Variants in WWOX observed in about 807,000 individuals in gnomAD.
The protein encoded by WWOX is WW domain-containing oxidoreductase.
A neutral mutation model predicts 46.2 loss-of-function variants in WWOX; 69 were observed. The ratio of observed to expected loss-of-function variants is 1.49; its 90% CI spans 1.23 to 1.82. The LOEUF (loss-of-function observed/expected upper bound fraction) is 1.82, where lower values mean the gene tolerates loss of function less well. Among genes scored for constraint, WWOX ranks in the 40% most tolerant of loss-of-function variants. WWOX has a pLI of 0.00. For synonymous variants in WWOX, 359 were observed against 202.6 expected (o/e 1.77, Z -6.56); for missense variants, 919 against 542.6 (o/e 1.69, Z -6.89).
intron 8 of WWOX, among the ~76,000 whole-genome samples, chr16:78,614,398 T>G (rs1252083033): frequency 1.3e-5 from 2 of 152,258 alleles, no homozygotes; most frequent in Non-Finnish European, 2.9e-5. Context: ...TTATTCTGAG[T>G]CCACATTGCT....
At chr16:78,203,941 G>C (rs1262669992) in intron 5 of WWOX, among the ~76,000 whole-genome samples, 2 of 152,180 alleles carry the variant, frequency 1.3e-5, no homozygotes, top group Non-Finnish European at 1.5e-5. Context: ...TTGCTGCCTT[G>C]AATTCTTTCC....
intron 8 of WWOX, among the ~76,000 whole-genome samples, chr16:79,097,334 A>T (rs1340193258): frequency 2.5e-4 from 37 of 149,102 alleles, no homozygotes; most frequent in Admixed American, 1.9e-3. Context: ...GCATATTTGT[A>T]TCTGGCTCCA....
chr16:78,151,757 G>A (rs924952237), intron 4 of WWOX, among the ~76,000 whole-genome samples: 3 of 152,154 alleles, frequency 2.0e-5, no homozygotes, highest in East Asian at 1.9e-4. Context: ...TGGAAGTAGC[G>A]TCGACATTAT....
At chr16:79,021,239 T>G (rs2047526583) in intron 8 of WWOX, among the ~76,000 whole-genome samples, 1 of 152,190 alleles carries the variant, frequency 6.6e-6, no homozygotes, top group Admixed American at 6.5e-5. Context: ...TGCCTTCATT[T>G]GTTTGACATT....
chr16:78,564,208 A>G (rs1567647537), intron 8 of WWOX, among the ~76,000 whole-genome samples: 1 of 152,342 alleles, frequency 6.6e-6, no homozygotes, highest in South Asian at 2.1e-4. Flanking sequence ...TATAGCCACT[A>G]ATATTTGTGA....
At chr16:79,093,088 G>A (rs571830407) in intron 8 of WWOX, among the ~76,000 whole-genome samples, 3 of 152,212 alleles carry the variant, frequency 2.0e-5, no homozygotes, top group South Asian at 4.1e-4. Context: ...TGAGCTGTTG[G>A]TTACGTAACT....
At chr16:78,691,193 G>T (rs892967232) in intron 8 of WWOX, 1 of 700,996 alleles carries the variant, frequency 1.4e-6, no homozygotes, top group Non-Finnish European at 2.6e-6. Context: ...AATAGATGTA[G>T]GTCCAGCGCC....
intron 8 of WWOX, among the ~76,000 whole-genome samples, chr16:78,515,618 G>A (rs2043218880): frequency 6.6e-6 from 1 of 152,186 alleles, no homozygotes; most frequent in Non-Finnish European, 1.5e-5. Flanking sequence ...CAGGCCGGAT[G>A]CCTAGGTGAG....
At chr16:78,208,212 G>C (rs1464663839) in intron 5 of WWOX, among the ~76,000 whole-genome samples, 4 of 152,172 alleles carry the variant, frequency 2.6e-5, no homozygotes. Flanking sequence ...CTATAATAAA[G>C]CTAGGGGATG....
At chr16:78,846,653 A>G (rs1208071661) in intron 8 of WWOX, among the ~76,000 whole-genome samples, 20 of 152,298 alleles carry the variant, frequency 1.3e-4, no homozygotes, top group Admixed American at 1.1e-3. Context: ...CCTCTCGGTT[A>G]ACGTGGTATC....
At chr16:79,101,769 C>T (rs996439519) in intron 8 of WWOX, 4 of 148,856 alleles carry the variant, frequency 2.7e-5, no homozygotes, top group South Asian at 2.1e-4. Context: ...AGGACTAATA[C>T]TTCCTGCTTT....
intron 6 of WWOX, among the ~76,000 whole-genome samples, chr16:78,418,312 C>T (rs1028293858): frequency 1.3e-5 from 2 of 151,162 alleles, no homozygotes; most frequent in Non-Finnish European, 2.9e-5. Flanking sequence ...TGCAGTGAGC[C>T]GAGATTGCAC....
At chr16:78,760,083 A>T (rs1230943288) in intron 8 of WWOX, among the ~76,000 whole-genome samples, 2 of 152,210 alleles carry the variant, frequency 1.3e-5, no homozygotes, top group Non-Finnish European at 2.9e-5. Flanking sequence ...TAATTTATCA[A>T]CAAAAAGAGA....
At chr16:78,856,226 G>C (rs1379396919) in intron 8 of WWOX, among the ~76,000 whole-genome samples, 2 of 152,150 alleles carry the variant, frequency 1.3e-5, no homozygotes, top group African/African-American at 4.8e-5. Context: ...TAAGGATTTA[G>C]GCAGGGACTG....
At chr16:78,137,601 G>A (rs2033843434) in intron 4 of WWOX, among the ~76,000 whole-genome samples, 1 of 152,122 alleles carries the variant, frequency 6.6e-6, no homozygotes, top group Non-Finnish European at 1.5e-5. Flanking sequence ...TTCTTTGTAG[G>A]TAAAAAGGAG....
chr16:78,180,430 A>G (rs960285748), intron 5 of WWOX, among the ~76,000 whole-genome samples: 3 of 151,980 alleles, frequency 2.0e-5, no homozygotes, highest in African/African-American at 7.3e-5. Context: ...ACCCAAGAGT[A>G]GGGGGTATAT....
chr16:78,760,856 C>G (rs1405103099), intron 8 of WWOX, among the ~76,000 whole-genome samples: 1 of 152,168 alleles, frequency 6.6e-6, no homozygotes, highest in East Asian at 1.9e-4. Flanking sequence ...TCACATTTCC[C>G]CATGTCTGGG....
At chr16:78,831,827 G>A (rs1194221954) in intron 8 of WWOX, among the ~76,000 whole-genome samples, 1 of 152,196 alleles carries the variant, frequency 6.6e-6, no homozygotes, top group Non-Finnish European at 1.5e-5. Context: ...GTCAAGCCAA[G>A]CTAGAGTACA....
At chr16:78,865,824 G>A (rs1351150187) in intron 8 of WWOX, among the ~76,000 whole-genome samples, 1 of 152,182 alleles carries the variant, frequency 6.6e-6, no homozygotes, top group African/African-American at 2.4e-5. Context: ...AGTTTGCAGT[G>A]AGCCAGATTG....
Sources: allele counts gnomAD v4.1 joint callset (sites outside exome capture counted in the v4.1 genomes callset), GRCh38; gene constraint gnomAD v4.1.1; transcripts MANE v1.5; gene names NCBI Gene and HGNC (gene_info 2026-07-23, HGNC 2026-07-21).